GRAMD1C: variants seen among roughly 807,000 people sequenced by gnomAD.
GRAMD1C encodes the protein protein Aster-C.
Under a neutral mutation model 97.8 loss-of-function variants are expected in GRAMD1C, and 89 were observed. That is an observed-to-expected ratio of 0.91 (90% CI 0.77 to 1.09). The LOEUF is 1.09. Among genes scored for constraint, GRAMD1C ranks in the 50% least tolerant of loss-of-function variants. The pLI is 0.00. For synonymous variants in GRAMD1C, 256 were observed against 267.0 expected (o/e 0.96, Z 0.40); for missense variants, 740 against 766.4 (o/e 0.97, Z 0.41).
At chr3:113,877,708 G>A (rs181120919) in intron 5 of GRAMD1C, among the ~76,000 whole-genome samples, 27 of 151,936 alleles carry the variant, frequency 1.8e-4, no homozygotes, top group Non-Finnish European at 2.6e-4. Flanking sequence ...TACTTTGAAC[G>A]TTCGATTAAG....
At chr3:113,830,870 G>A (rs991728020) in intron 1 of GRAMD1C, among the ~76,000 whole-genome samples, 11 of 152,174 alleles carry the variant, frequency 7.2e-5, no homozygotes, top group African/African-American at 1.9e-4. Context: ...AGGCCAAGGC[G>A]GGTGGGTCAC....
At chr3:113,853,617 A>C (rs915001961) in intron 2 of GRAMD1C, among the ~76,000 whole-genome samples, 1 of 152,202 alleles carries the variant, frequency 6.6e-6, no homozygotes, top group African/African-American at 2.4e-5. Flanking sequence ...CATTTATTAG[A>C]GTGTCTTCTA....
chr3:113,893,059 G>T (rs1935799623), intron 6 of GRAMD1C, among the ~76,000 whole-genome samples: 1 of 152,228 alleles, frequency 6.6e-6, no homozygotes, highest in Admixed American at 6.5e-5. Context: ...ATGCTCATTT[G>T]TTTATGTATT....
chr3:113,936,138 T>C (rs565054823), intron 13 of GRAMD1C, 128 bp from the exon 14 acceptor site: 76 of 594,008 alleles, frequency 1.3e-4, no homozygotes, highest in Non-Finnish European at 1.9e-4. Flanking sequence ...GTGTAAAATT[T>C]GAATCTAGGT....
At chr3:113,859,766 G>A (rs559880621) in intron 2 of GRAMD1C, among the ~76,000 whole-genome samples, 8 of 152,214 alleles carry the variant, frequency 5.3e-5, no homozygotes, top group East Asian at 3.9e-4. Flanking sequence ...AACTTTTCAC[G>A]AAGAAAAGCT....
At chr3:113,850,947 C>T (rs958697656) in intron 2 of GRAMD1C, among the ~76,000 whole-genome samples, 17 of 151,800 alleles carry the variant, frequency 1.1e-4, no homozygotes, top group South Asian at 2.1e-4. Flanking sequence ...GGACTACAGG[C>T]GCGTGCCACC....
intron 2 of GRAMD1C, among the ~76,000 whole-genome samples, chr3:113,846,089 T>C (rs1249149879): frequency 1.4e-5 from 2 of 144,898 alleles, no homozygotes; most frequent in African/African-American, 5.1e-5. Flanking sequence ...AATATTGTAG[T>C]ATTATGACCT....
chr3:113,887,276 G>C (rs573069222), intron 6 of GRAMD1C, among the ~76,000 whole-genome samples: 1 of 151,348 alleles, frequency 6.6e-6, no homozygotes, highest in East Asian at 2.0e-4. Context: ...ATTTTTAGTA[G>C]AGGTGGGGTT....
At chr3:113,885,749 C>G (rs970470793) in intron 6 of GRAMD1C, 2 of 1,581,006 alleles carry the variant, frequency 1.3e-6, no homozygotes, top group East Asian at 2.2e-5. Context: ...GCAGAAGCAT[C>G]CTTAAGAGGA....
chr3:113,840,983 G>C (rs1709770467), intron 1 of GRAMD1C, among the ~76,000 whole-genome samples: 1 of 152,244 alleles, frequency 6.6e-6, no homozygotes, highest in South Asian at 2.1e-4. Flanking sequence ...CTGGTAAAGA[G>C]ATGTTATGTC....
At position 113,850,503 on chromosome 3, in the gene GRAMD1C, T is replaced by C. The variant is rs1318745576; in HGVS notation, c.174+5854T>C. ...CAGATGAAGATAATCATGGAGATAC[T>C]GGATGCCCTCATTGGTAAGGTACCA... On this transcript the variant is annotated intron_variant, in intron 2 of 17. Transcript: ENST00000358160. 5.8e-6 allele frequency: 9 copies of C among 1,562,612 alleles called. No individual in the cohort carries two copies. In the South Asian group the frequency reaches 6.7e-5, roughly 12 times the overall value.
chr3:113,931,461 C>T (rs1237085811), intron 11 of GRAMD1C, among the ~76,000 whole-genome samples: 4 of 151,462 alleles, frequency 2.6e-5, no homozygotes, highest in Admixed American at 6.6e-5. Flanking sequence ...CAGGTTCAAG[C>T]GATTCTCCTG....
chr3:113,903,479 G>A (rs1936249781), intron 7 of GRAMD1C, among the ~76,000 whole-genome samples: 1 of 151,808 alleles, frequency 6.6e-6, no homozygotes, highest in Non-Finnish European at 1.5e-5. Flanking sequence ...CCTCCATCCT[G>A]TTGAGCATTG....
intron 1 of GRAMD1C, among the ~76,000 whole-genome samples, chr3:113,830,086 G>A (rs1709538085): frequency 6.6e-6 from 1 of 152,090 alleles, no homozygotes; most frequent in Admixed American, 6.6e-5. Flanking sequence ...ATTTATATAG[G>A]GCACAAAAGA....
intron 1 of GRAMD1C, among the ~76,000 whole-genome samples, chr3:113,841,281 C>CTTTTTT (rs1269088707): frequency 1.1e-4 from 2 of 17,540 alleles, no homozygotes; most frequent in Admixed American, 9.8e-4. Flanking sequence ...TTCTTTCTTT[C>CTTTTTT]TTTCTTTTTT....
At chr3:113,930,640 G>A in intron 10 of GRAMD1C, 74 bp from the exon 11 acceptor site, 1 of 779,480 alleles carries the variant, frequency 1.3e-6, no homozygotes, top group East Asian at 2.5e-5. Context: ...TAATTCAGAA[G>A]CTCCTTTGAT....
Position 113,904,362 on chromosome 3 carries a change from G to T in GRAMD1C, c.789+90G>T. The T allele has an allele frequency of 3.2e-6, 3 of 942,546 alleles. No individual in the cohort carries two copies. In the Admixed American group the frequency reaches 7.3e-5, roughly 23 times the overall value. 58.4% of individuals were successfully genotyped at this position (942,546 alleles called of 1,614,324 possible). ...TAAATAAGGATACAGTATACAAAAT[G>T]TTAAAAATAAGATATCAGACTCCTA... On this transcript the variant is annotated intron_variant, in intron 8 of 17. Coordinates refer to ENST00000358160, the MANE Select transcript of GRAMD1C (RefSeq NM_017577.5).
chr3:113,869,524 TA>T lies in GRAMD1C; in HGVS notation c.195del (p.Asp66ThrfsTer19). ...TGTTGCAGATTTCAAGTTCCACCTA[TA>T]AAGACAGGAATGAGGAATACAGAAG... ...WSFWISSSTY[K>X]DRNEEYRRQF... On this transcript the variant is annotated frameshift_variant, in exon 3 of 18. Transcript: ENST00000358160. LOFTEE classifies it high-confidence loss of function. 1 of 1,507,684 alleles carries T rather than the reference TA, an allele frequency of 6.6e-7. No homozygotes were observed. The highest frequency in any genetic ancestry group is 9.1e-7 in the Non-Finnish European group (1 of 1,092,960). The allele number at this position is 1,507,684 out of a possible 1,614,324, so 93.4% of individuals were successfully genotyped here.
intron 2 of GRAMD1C, among the ~76,000 whole-genome samples, chr3:113,845,301 A>T (rs1185964628): frequency 1.3e-5 from 2 of 152,210 alleles, no homozygotes; most frequent in Non-Finnish European, 2.9e-5. Flanking sequence ...TTCCTGTGAG[A>T]GTTATGAACC....
Sources: gnomAD v4.1 joint callset for allele counts (sites outside exome capture counted in the v4.1 genomes callset) on GRCh38, gnomAD v4.1.1 for gene constraint, MANE v1.5 for transcripts, NCBI Gene and HGNC (gene_info 2026-07-23, HGNC 2026-07-21) for gene names.